ELMO1: variants seen among roughly 807,000 people sequenced by gnomAD.
ELMO1 encodes the protein engulfment and cell motility 1, also known as engulfment and cell motility protein 1.
In ELMO1, 26 loss-of-function variants were observed where a neutral mutation model predicts 98.9. The observed-to-expected ratio is 0.26, with a 90% CI of 0.19 to 0.36. The LOEUF is 0.36. ELMO1 is among the 10% of genes least tolerant of loss of function. ELMO1 has a pLI of 1.00. For missense variants in ELMO1, 627 were observed against 935.2 expected (o/e 0.67, Z 4.30); for synonymous variants, 346 against 346.0 (o/e 1.00, Z 0.00).
intron 4 of ELMO1, among the ~76,000 whole-genome samples, chr7:37,294,128 T>A (rs1455505114): frequency 6.6e-6 from 1 of 152,192 alleles, no homozygotes; most frequent in African/African-American, 2.4e-5. Flanking sequence ...TGGAACTATG[T>A]TTACGTTGAC....
At chr7:37,225,368 C>T (rs1026718359) in intron 8 of ELMO1, among the ~76,000 whole-genome samples, 3 of 152,176 alleles carry the variant, frequency 2.0e-5, no homozygotes, top group Admixed American at 6.5e-5. Context: ...TGTAAGGATA[C>T]CTGTGTTTCT....
chr7:37,142,402 A>T (rs1787700152), intron 13 of ELMO1, among the ~76,000 whole-genome samples: 1 of 152,248 alleles, frequency 6.6e-6, no homozygotes, highest in African/African-American at 2.4e-5. Flanking sequence ...CTTTACATGT[A>T]TTAAATCTCA....
At chr7:37,181,520 A>T (rs945497326) in intron 13 of ELMO1, among the ~76,000 whole-genome samples, 5 of 152,180 alleles carry the variant, frequency 3.3e-5, no homozygotes, top group Admixed American at 3.3e-4. Context: ...AATCCTAGTT[A>T]CAGAAACAAG....
intron 21 of ELMO1, among the ~76,000 whole-genome samples, chr7:36,858,890 C>G (rs1802402077): frequency 6.6e-6 from 1 of 152,208 alleles, no homozygotes. Flanking sequence ...AGGATACTCA[C>G]ATTTGACTTC....
At chr7:36,915,950 G>T (rs553766432) in intron 16 of ELMO1, among the ~76,000 whole-genome samples, 2 of 152,320 alleles carry the variant, frequency 1.3e-5, no homozygotes, top group East Asian at 3.9e-4. Flanking sequence ...TTTATTTGGG[G>T]TCATCCTTGT....
At chr7:37,391,634 T>C (rs925454970) in intron 1 of ELMO1, among the ~76,000 whole-genome samples, 11 of 152,204 alleles carry the variant, frequency 7.2e-5, no homozygotes, top group African/African-American at 1.9e-4. Context: ...CACACCTTCA[T>C]GGTGGGTCTC....
At chr7:37,217,651 A>C in intron 10 of ELMO1, 1 of 456,318 alleles carries the variant, frequency 2.2e-6, no homozygotes, top group Non-Finnish European at 4.4e-6. Context: ...AGGGGTGGAC[A>C]GGAGCAGCAC....
intron 1 of ELMO1, among the ~76,000 whole-genome samples, chr7:37,413,163 A>C (rs1351923253): frequency 6.6e-6 from 1 of 151,666 alleles, no homozygotes; most frequent in Non-Finnish European, 1.5e-5. Flanking sequence ...TAACTGCTTC[A>C]CAACATTTAG....
chr7:36,886,936 A>G (rs1805058704), intron 18 of ELMO1, among the ~76,000 whole-genome samples: 1 of 152,210 alleles, frequency 6.6e-6, no homozygotes, highest in Non-Finnish European at 1.5e-5. Flanking sequence ...CTAGAAGAGA[A>G]GCAGTGTGGG....
At chr7:37,282,893 C>T (rs758223648) in intron 4 of ELMO1, among the ~76,000 whole-genome samples, 3 of 152,152 alleles carry the variant, frequency 2.0e-5, no homozygotes, top group Admixed American at 6.5e-5. Flanking sequence ...GTCTTTTTCT[C>T]GCATCATTTC....
rs530688001 is a variant in ELMO1, at chr7:37,361,146, T to C, written c.-73-18383A>G. 9.8e-5 allele frequency among the ~76,000 whole-genome samples: 15 copies of C among 152,324 alleles called. No individual in the cohort carries two copies. The South Asian group carries it at 3.1e-3, about 32-fold the overall frequency. On this transcript the variant is annotated intron_variant, in intron 1 of 21. Transcript: ENST00000310758. ...TTATCATATGACACAGCAATTCTAC[T>C]CTTAGGGATTTACCTAAGAGAAATG...
chr7:37,130,791 A>T (rs915730574), intron 14 of ELMO1, among the ~76,000 whole-genome samples: 6 of 152,000 alleles, frequency 3.9e-5, no homozygotes, highest in Admixed American at 2.6e-4. Flanking sequence ...ATTTTTTTTT[A>T]ATCTCAACTA....
chr7:37,090,887 G>A (rs1784045582), intron 15 of ELMO1, among the ~76,000 whole-genome samples: 1 of 152,174 alleles, frequency 6.6e-6, no homozygotes, highest in African/African-American at 2.4e-5. Flanking sequence ...TGGAGAATGG[G>A]TTCTAAATCC....
At chr7:37,082,427 G>A (rs1275821920) in intron 15 of ELMO1, among the ~76,000 whole-genome samples, 1 of 152,206 alleles carries the variant, frequency 6.6e-6, no homozygotes, top group African/African-American at 2.4e-5. Context: ...TTCACAGCCA[G>A]GTACGGTGGC....
At chr7:36,979,126 GT>G (rs1790831252) in intron 16 of ELMO1, among the ~76,000 whole-genome samples, 1 of 152,130 alleles carries the variant, frequency 6.6e-6, no homozygotes, top group South Asian at 2.1e-4. Context: ...ATGCTAGAGG[GT>G]TGGGGTAGTG....
At chr7:37,016,728 A>G (rs1047231294) in intron 15 of ELMO1, among the ~76,000 whole-genome samples, 2 of 152,212 alleles carry the variant, frequency 1.3e-5, no homozygotes, top group Non-Finnish European at 2.9e-5. Context: ...GATGGACTTC[A>G]TAGTCACTTA....
intron 15 of ELMO1, among the ~76,000 whole-genome samples, chr7:37,049,710 C>G (rs564675473): frequency 8.8e-4 from 134 of 151,864 alleles, no homozygotes; most frequent in Non-Finnish European, 1.6e-3. Context: ...AAATGATATC[C>G]AGGTGTTTGA....
At chr7:37,111,662 G>A (rs192335780) in intron 14 of ELMO1, among the ~76,000 whole-genome samples, 16 of 152,272 alleles carry the variant, frequency 1.1e-4, no homozygotes, top group South Asian at 6.2e-4. Context: ...GAGCCTCAGC[G>A]CTCTCATCTG....
intron 12 of ELMO1, among the ~76,000 whole-genome samples, chr7:37,212,297 A>C (rs1310161435): frequency 1.3e-5 from 2 of 152,202 alleles, no homozygotes; most frequent in Non-Finnish European, 2.9e-5. Context: ...AGTTCTGGAG[A>C]TAGATGGTGG....
Sources: gnomAD v4.1 joint callset for allele counts (sites outside exome capture counted in the v4.1 genomes callset) on GRCh38, gnomAD v4.1.1 for gene constraint, MANE v1.5 for transcripts, NCBI Gene and HGNC (gene_info 2026-07-23, HGNC 2026-07-21) for gene names.